The following ENTPD8 variants were observed in gnomAD, a reference collection of about 807,000 sequenced individuals.
ENTPD8 encodes the protein ectonucleoside triphosphate diphosphohydrolase 8, also known as E-NTPDase 8.
Under a neutral mutation model 47.0 loss-of-function variants are expected in ENTPD8, and 35 were observed. That is an observed-to-expected ratio of 0.75 (90% CI 0.57 to 0.99). The LOEUF (loss-of-function observed/expected upper bound fraction) is 0.99. Among genes scored for constraint, ENTPD8 ranks in the 50% least tolerant of loss-of-function variants. ENTPD8 has a pLI of 0.00. For synonymous variants in ENTPD8, 308 were observed against 290.5 expected, an observed-to-expected ratio of 1.06 and a Z score of -0.61; for missense variants, 668 against 649.9, an observed-to-expected ratio of 1.03 and a Z score of -0.30.
At position 137,438,102 on chromosome 9, in the gene ENTPD8, T is replaced by G. The variant is rs771021299; in HGVS notation, c.127-18A>C. The G allele has an allele frequency of 6.2e-7, 1 of 1,612,318 alleles. No individual in the cohort carries two copies. Among genetic ancestry groups the G allele is most frequent in the Non-Finnish European group, 8.5e-7 (1 of 1,179,508 alleles). Reference sequence around the variant, plus strand: ...ATCCCAAACTGGGGAGACAGTGGGATGAGTGGGAGGCAACACCTGTGGACC... The same window carrying G: ...ATCCCAAACTGGGGAGACAGTGGGAGGAGTGGGAGGCAACACCTGTGGACC... On this transcript the variant is annotated intron_variant, in intron 2 of 9. Transcript: ENST00000371506. This position sits in a 1 kb window ranked among gnomAD's most constrained non-coding sequence, Gnocchi z 5.7.
chr9:137,438,187 G>C lies in ENTPD8; in HGVS notation c.99C>G (p.Thr33=), dbSNP rs1839422533. 6.2e-7 allele frequency: 1 copy of C among 1,608,824 alleles called. No homozygotes were observed. The highest frequency in any genetic ancestry group is 1.3e-5 in the African/African-American group (1 of 74,858). The change falls in exon 2 of 10, where the codon ACC becomes ACG. Residue 33 remains threonine, a synonymous_variant. Transcript: ENST00000371506. This position sits in a 1 kb window ranked among gnomAD's most constrained non-coding sequence, Gnocchi z 5.7. Reference sequence around the variant, plus strand: ...TGATGTCTGTGGGCAGGAGCACGCTGGTGGCCTCCACCAGGAGGAGAATGA... The same window carrying C: ...TGATGTCTGTGGGCAGGAGCACGCTCGTGGCCTCCACCAGGAGGAGAATGA... ...TALILLLVEA[T]SVLLPTDIKF...
chr9:137,437,285 G>C lies in ENTPD8; in HGVS notation c.269C>G (p.Ser90Cys), dbSNP rs1839395723. 6.2e-7 allele frequency: 1 copy of C among 1,612,712 alleles called. No homozygotes were observed. Among genetic ancestry groups the C allele is most frequent in the South Asian group, 1.1e-5 (1 of 91,082 alleles). The change falls in exon 4 of 10, where the codon TCT becomes TGT. Residue 90 changes from serine to cysteine, a missense_variant. Transcript: ENST00000371506. ...VEGPGISSYTSNAAQAGESLQ... is the reference protein window; with the variant it reads ...VEGPGISSYTCNAAQAGESLQ... ...GCTCTCACCAGCCTGTGCAGCATTA[G>C]AAGTGTAGGAGGAGATTCCAGGCCC...
Position 137,434,691 on chromosome 9 carries a change from TG to T in ENTPD8, c.*222del. On this transcript the variant is annotated 3_prime_UTR_variant, in exon 10 of 10. Transcript: ENST00000371506. ...GTGTGCAGAAAGGCACCTACGGCCC[TG>T]GAAGCCCAGTTGCGGAAGGAGGTTG... 1 of 652,040 alleles carries T rather than the reference TG, an allele frequency of 1.5e-6. No individual in the cohort carries two copies. The highest frequency in any genetic ancestry group is 2.5e-6 in the Non-Finnish European group (1 of 393,690). The allele number at this position is 652,040 out of a possible 1,614,324, so 40.4% of individuals were successfully genotyped here.
intron 9 of ENTPD8, 29 bp downstream of exon 9, chr9:137,435,175 C>T (rs376575168): frequency 2.5e-6 from 4 of 1,603,988 alleles, no homozygotes; most frequent in Non-Finnish European, 3.4e-6. Context: ...CACGCCCACG[C>T]CCCGCCCACG....
Position 137,435,121 on chromosome 9 carries a change from C to G in ENTPD8, c.1297-16G>C, listed in dbSNP as rs371232160. 1.9e-6 allele frequency: 3 copies of G among 1,603,890 alleles called. No individual in the cohort carries two copies. Among genetic ancestry groups the G allele is most frequent in the African/African-American group, 2.7e-5 (2 of 74,848 alleles). On this transcript the variant is annotated splice_polypyrimidine_tract_variant and intron_variant, in intron 9 of 9. Transcript: ENST00000371506. Reference sequence around the variant, plus strand: ...CACCGCCCGCCTGCGGGACACACGGCTGCTCAGGGCTGCGGGGCAGCTACC... The same window carrying G: ...CACCGCCCGCCTGCGGGACACACGGGTGCTCAGGGCTGCGGGGCAGCTACC...
rs774507616 is a variant in ENTPD8 at position 137,438,129 on chromosome 9, G to A, written c.126+31C>T. 12 of 1,609,912 alleles carry A rather than the reference G, an allele frequency of 7.5e-6. No individual in the cohort carries two copies. Among genetic ancestry groups the A allele is most frequent in the East Asian group, 4.5e-5 (2 of 44,822 alleles). On this transcript the variant is annotated intron_variant, in intron 2 of 9. Transcript: ENST00000371506. The surrounding 1 kb of genome is among the most constrained non-coding windows in gnomAD (Gnocchi z 5.7). ...AGTGGGAGGCAACACCTGTGGACCC[G>A]GCCCGGCCTCCCCTGCCGGCGGGGA...
At position 137,438,182 on chromosome 9, in the gene ENTPD8, ACGC is replaced by A. The variant is rs746980982; in HGVS notation, c.101_103del (p.Ser34_Val35delinsMet). ...CACCTTGATGTCTGTGGGCAGGAGC[ACGC>A]TGGTGGCCTCCACCAGGAGGAGAAT... On this transcript the variant is annotated inframe_deletion, in exon 2 of 10. Transcript: ENST00000371506. This position sits in a 1 kb window ranked among gnomAD's most constrained non-coding sequence, Gnocchi z 5.7. 6.2e-7 allele frequency: 1 copy of A among 1,608,910 alleles called. No homozygotes were observed. Among genetic ancestry groups the A allele is most frequent in the African/African-American group, 1.3e-5 (1 of 74,832 alleles).
chr9:137,438,485 CG>C lies in ENTPD8; in HGVS notation c.-20-181del, dbSNP rs1399845631. 6.6e-6 allele frequency among the ~76,000 whole-genome samples: 1 copy of C among 151,920 alleles called. No homozygotes were observed. The highest frequency in any genetic ancestry group is 2.4e-5 in the African/African-American group (1 of 41,396). On this transcript the variant is annotated intron_variant, in intron 1 of 9. Transcript: ENST00000371506. This position sits in a 1 kb window ranked among gnomAD's most constrained non-coding sequence, Gnocchi z 5.7. ...CATAGAGGCATCCCCGGGGCTCAGACGGTCTCCCGTGGCCTTAGAGGCATCT... is the reference window on the plus strand; with the variant it reads ...CATAGAGGCATCCCCGGGGCTCAGACGTCTCCCGTGGCCTTAGAGGCATCT...
chr9:137,438,065 G>A lies in ENTPD8; in HGVS notation c.146C>T (p.Ala49Val), dbSNP rs868248458. Residue 49 changes from alanine (A) to valine (V), a missense_variant, in exon 3 of 10, where the codon GCG (alanine) becomes GTG (valine). Coordinates refer to ENST00000371506, the MANE Select transcript of ENTPD8 (RefSeq NM_001033113.2). This position sits in a 1 kb window ranked among gnomAD's most constrained non-coding sequence, Gnocchi z 5.7. ...GAAGAGGGACGTGTGGGAGGAGCCC[G>A]CATCAAACACGATCCCAAACTGGGG... ...TDIKFGIVFD[A>V]GSSHTSLFLY... 15 of 1,612,760 alleles carry A rather than the reference G, an allele frequency of 9.3e-6. No individual in the cohort carries two copies. The highest frequency in any genetic ancestry group is 1.3e-5 in the Non-Finnish European group (15 of 1,179,832).
intron 1 of ENTPD8, 25 bp downstream of exon 1, chr9:137,441,261 C>G (rs1839521023): frequency 1.2e-4 from 34 of 289,422 alleles, no homozygotes; most frequent in South Asian, 8.8e-4. Flanking sequence ...GACAGCCCCC[C>G]CAGGACATCC....
Position 137,440,125 on chromosome 9 carries a change from C to A in ENTPD8, c.-21+1161G>T, listed in dbSNP as rs1298180406. ...GCCCCCCAGACCAGGACAGCCCCCCCAGACCAGGACAGCCCCCCCAGACCA... is the reference window on the plus strand; with the variant it reads ...GCCCCCCAGACCAGGACAGCCCCCCAAGACCAGGACAGCCCCCCCAGACCA... On this transcript the variant is annotated intron_variant, in intron 1 of 9. Coordinates refer to ENST00000371506, the MANE Select transcript of ENTPD8 (RefSeq NM_001033113.2). 6.7e-4 allele frequency among the ~76,000 whole-genome samples: 36 copies of A among 53,740 alleles called. 1 individual carries two copies. Among genetic ancestry groups the A allele is most frequent in the Non-Finnish European group, 7.5e-4 (21 of 28,098 alleles). 35.3% of individuals were successfully genotyped at this position (53,740 alleles called of 152,430 possible). A position where few individuals can be genotyped will look rare whatever the true frequency, so the allele number is the denominator to read the frequency against.
chr9:137,440,369 G>A (rs961911889), intron 1 of ENTPD8, among the ~76,000 whole-genome samples: 2 of 50,846 alleles, frequency 3.9e-5, no homozygotes, highest in South Asian at 2.3e-3. Flanking sequence ...CCCTCACACA[G>A]AACAGATTCC....
At position 137,438,474 on chromosome 9, in the gene ENTPD8, C is replaced by G. The variant is rs1024438248; in HGVS notation, c.-20-169G>C. Among the ~76,000 whole-genome samples the G allele has an allele frequency of 2.2e-4, 33 of 151,990 alleles. No individual in the cohort carries two copies. Among genetic ancestry groups the G allele is most frequent in the African/African-American group, 8.0e-4 (33 of 41,344 alleles). On this transcript the variant is annotated intron_variant, in intron 1 of 9. Transcript: ENST00000371506. This position sits in a 1 kb window ranked among gnomAD's most constrained non-coding sequence, Gnocchi z 5.7. Reference sequence around the variant, plus strand: ...CCTCCCGTGGCCATAGAGGCATCCCCGGGGCTCAGACGGTCTCCCGTGGCC... The same window carrying G: ...CCTCCCGTGGCCATAGAGGCATCCCGGGGGCTCAGACGGTCTCCCGTGGCC...
At position 137,434,881 on chromosome 9, in the gene ENTPD8, T is replaced by C; in HGVS notation, c.*33A>G. 1 of 1,569,524 alleles carries C rather than the reference T, an allele frequency of 6.4e-7. No individual in the cohort carries two copies. The highest frequency in any genetic ancestry group is 8.6e-7 in the Non-Finnish European group (1 of 1,157,490). On this transcript the variant is annotated 3_prime_UTR_variant, in exon 10 of 10. Coordinates refer to ENST00000371506, the MANE Select transcript of ENTPD8 (RefSeq NM_001033113.2). The stretch of plus-strand genomic sequence containing the variant: ...CCAGCATCCGGGACGCAGCTGCCTG[T>C]GGGCTCTGTGGGGGCCCACCTCCGC...
rs371061446 is a variant in ENTPD8 at position 137,436,720 on chromosome 9, G to A, written c.587C>T (p.Pro196Leu). Residue 196 changes from proline (P) to leucine (L), a missense_variant, in exon 6 of 10, where the codon CCG becomes CTG. Pro to Leu is a moderately conservative substitution (Grantham distance 98, BLOSUM62 -3). Transcript: ENST00000371506. ...YSFTGEWIQP[P>L]EEMLVGALDM... ...CAGGGCACCCACCAGCATCTCCTCCGGAGGCTGGATCCATTCTCCAGTGAA... is the reference window on the plus strand; with the variant it reads ...CAGGGCACCCACCAGCATCTCCTCCAGAGGCTGGATCCATTCTCCAGTGAA... 3.7e-5 allele frequency: 60 copies of A among 1,600,686 alleles called. 1 individual carries two copies. Among genetic ancestry groups the A allele is most frequent in the Middle Eastern group, 1.7e-4 (1 of 6,048 alleles).
At chr9:137,435,421 C>T (rs1272336192) in intron 8 of ENTPD8, 83 bp from the exon 9 acceptor site, 1 of 1,525,378 alleles carries the variant, frequency 6.6e-7, no homozygotes, top group Non-Finnish European at 8.8e-7. Flanking sequence ...CCTGGCCAAC[C>T]TGAGCACGCA....
rs1338923344 is a variant in ENTPD8 at position 137,441,337 on chromosome 9, C to A, written c.-72G>T. ...CGGCAAGGAGGAAGCTGTGCTTAGA[C>A]GCTTCTGTGTCCGCGCACCTGGCGT... On this transcript the variant is annotated 5_prime_UTR_variant, in exon 1 of 10. Transcript: ENST00000371506. 4 of 243,312 alleles carry A rather than the reference C, an allele frequency of 1.6e-5. No homozygotes were observed. The highest frequency in any genetic ancestry group is 3.4e-5 in the Non-Finnish European group (4 of 116,592). The allele number at this position is 243,312 out of a possible 1,614,324, so 15.1% of individuals were successfully genotyped here.
At position 137,438,079 on chromosome 9, in the gene ENTPD8, C is replaced by T; in HGVS notation, c.132G>A (p.Gly44=). The change falls in exon 3 of 10, where the codon GGG becomes GGA. Residue 44 remains glycine (G), a synonymous_variant. Transcript: ENST00000371506. The surrounding 1 kb of genome is among the most constrained non-coding windows in gnomAD (Gnocchi z 5.7). ...GGGAGGAGCCCGCATCAAACACGAT[C>T]CCAAACTGGGGAGACAGTGGGATGA... ...SVLLPTDIKF[G]IVFDAGSSHT... 1 of 1,612,824 alleles carries T rather than the reference C, an allele frequency of 6.2e-7. No homozygotes were observed. Among genetic ancestry groups the T allele is most frequent in the East Asian group, 2.2e-5 (1 of 44,876 alleles).
chr9:137,435,380 T>C, intron 8 of ENTPD8, 42 bp from the exon 9 acceptor site: 1 of 1,588,764 alleles, frequency 6.3e-7, no homozygotes, highest in Admixed American at 1.7e-5. Flanking sequence ...GGGCCCCTGA[T>C]CCCCAGTCAT....
Sources: allele counts gnomAD v4.1 joint callset (sites outside exome capture counted in the v4.1 genomes callset), GRCh38; gene constraint gnomAD v4.1.1; non-coding constraint Gnocchi (gnomAD v3.1); transcripts MANE v1.5; gene names NCBI Gene and HGNC (gene_info 2026-07-23, HGNC 2026-07-21).